The following XPR1 variants were observed in gnomAD, a reference collection of about 807,000 sequenced individuals.
XPR1 encodes the protein xenotropic and polytropic retrovirus receptor 1.
A neutral mutation model predicts 87.5 loss-of-function variants in XPR1; 28 were observed. That is an observed-to-expected ratio of 0.32 (90% CI 0.24 to 0.44). XPR1 has a LOEUF of 0.44. Ranked by LOEUF, XPR1 falls within the 20% of genes least tolerant of loss-of-function variation. The probability of loss-of-function intolerance (pLI) is 1.00; values close to 1 mark genes in which losing one functional copy is unlikely to be tolerated. For synonymous variants in XPR1, 300 were observed against 306.1 expected (o/e 0.98, Z 0.21); for missense variants, 559 against 862.3 (o/e 0.65, Z 4.41).
At chr1:180,634,137 A>G (rs1406347264) in intron 1 of XPR1, among the ~76,000 whole-genome samples, 1 of 152,310 alleles carries the variant, frequency 6.6e-6, no homozygotes, top group East Asian at 1.9e-4. Flanking sequence ...CACATAGTCC[A>G]CTTGGATACT....
chr1:180,824,537 C>T (rs889443653), intron 7 of XPR1, among the ~76,000 whole-genome samples: 3 of 151,984 alleles, frequency 2.0e-5, no homozygotes, highest in African/African-American at 7.3e-5. Flanking sequence ...GCCGAGATCA[C>T]GCCATTGCAC....
At chr1:180,644,360 C>G (rs1054564533) in intron 1 of XPR1, among the ~76,000 whole-genome samples, 1 of 150,750 alleles carries the variant, frequency 6.6e-6, no homozygotes, top group Admixed American at 6.6e-5. Context: ...TTGAGACTTT[C>G]CTTTTCCTAT....
chr1:180,741,514 C>A (rs921604806), intron 2 of XPR1, among the ~76,000 whole-genome samples: 8 of 151,894 alleles, frequency 5.3e-5, no homozygotes, highest in Non-Finnish European at 1.5e-5. Context: ...TAGATAGAGT[C>A]TCACTCTATC....
At chr1:180,794,603 G>A (rs1423737993) in intron 3 of XPR1, among the ~76,000 whole-genome samples, 2 of 152,184 alleles carry the variant, frequency 1.3e-5, no homozygotes, top group Non-Finnish European at 2.9e-5. Context: ...TTTACTTGGA[G>A]GAAGAAAGTG....
chr1:180,848,100 G>A (rs886157516), intron 11 of XPR1, among the ~76,000 whole-genome samples: 2 of 152,076 alleles, frequency 1.3e-5, no homozygotes, highest in African/African-American at 4.8e-5. Flanking sequence ...AGGGTACATA[G>A]TGATGTTCTG....
chr1:180,834,241 C>T (rs1651191136), intron 9 of XPR1, among the ~76,000 whole-genome samples: 1 of 151,974 alleles, frequency 6.6e-6, no homozygotes, highest in Non-Finnish European at 1.5e-5. Flanking sequence ...ACTACCATGC[C>T]CGGCTAATTT....
intron 2 of XPR1, among the ~76,000 whole-genome samples, chr1:180,740,065 A>G (rs943296474): frequency 2.0e-5 from 3 of 152,082 alleles, no homozygotes; most frequent in Admixed American, 6.6e-5. Context: ...AAACTCACCT[A>G]CTATTTCTAG....
intron 2 of XPR1, among the ~76,000 whole-genome samples, chr1:180,756,910 T>A (rs906181091): frequency 6.6e-6 from 1 of 152,206 alleles, no homozygotes; most frequent in East Asian, 1.9e-4. Context: ...TTGAAAAGAC[T>A]AGTCTTTCTC....
intron 2 of XPR1, among the ~76,000 whole-genome samples, chr1:180,750,687 A>AT (rs1371240139): frequency 2.0e-5 from 3 of 151,914 alleles, no homozygotes; most frequent in Non-Finnish European, 2.9e-5. Context: ...TATAAATTTG[A>AT]TTTTTTTATT....
chr1:180,727,414 C>T (rs552279124), intron 2 of XPR1, among the ~76,000 whole-genome samples: 7 of 152,072 alleles, frequency 4.6e-5, no homozygotes, highest in East Asian at 3.9e-4. Context: ...GAGGCCGAGG[C>T]GGGCAGATCA....
intron 2 of XPR1, among the ~76,000 whole-genome samples, chr1:180,727,727 C>G (rs1658404552): frequency 6.6e-6 from 1 of 152,192 alleles, no homozygotes; most frequent in Admixed American, 6.5e-5. Context: ...AGAGCATACT[C>G]AAGGGCTGCT....
At chr1:180,683,054 G>A (rs1407729848) in intron 2 of XPR1, among the ~76,000 whole-genome samples, 1 of 151,990 alleles carries the variant, frequency 6.6e-6, no homozygotes, top group African/African-American at 2.4e-5. Flanking sequence ...CATGTGCCAT[G>A]TTGGTGTGCT....
At chr1:180,820,674 TACTAGC>T (rs1650595860) in intron 7 of XPR1, among the ~76,000 whole-genome samples, 1 of 152,216 alleles carries the variant, frequency 6.6e-6, no homozygotes, top group South Asian at 2.1e-4. Flanking sequence ...TTTCCATTCC[TACTAGC>T]AGTTTATGAG....
chr1:180,745,694 C>T (rs1659068822), intron 2 of XPR1, among the ~76,000 whole-genome samples: 1 of 152,174 alleles, frequency 6.6e-6, no homozygotes, highest in Non-Finnish European at 1.5e-5. Context: ...ATGCCTATAT[C>T]TTGGTTTTGG....
At chr1:180,755,009 G>T (rs61811160) in intron 2 of XPR1, among the ~76,000 whole-genome samples, 1 of 152,132 alleles carries the variant, frequency 6.6e-6, no homozygotes, top group Non-Finnish European at 1.5e-5. Flanking sequence ...TATGTTCAAA[G>T]TAATGGGAAC....
chr1:180,680,903 G>C (rs1025236138), intron 1 of XPR1, among the ~76,000 whole-genome samples: 1 of 152,212 alleles, frequency 6.6e-6, no homozygotes, highest in East Asian at 1.9e-4. Flanking sequence ...TCTATCATTT[G>C]TGACAACATG....
At position 180,704,245 on chromosome 1, in the gene XPR1, GATATATATATATATATAT is replaced by G. The variant is rs35751561; in HGVS notation, c.121+21849_121+21866del. Among the ~76,000 whole-genome samples, 195 of 66,032 alleles carry G rather than the reference GATATATATATATATATAT, an allele frequency of 3.0e-3. 2 individuals carry two copies. Among genetic ancestry groups the G allele is most frequent in the Middle Eastern group, 0.011 (1 of 90 alleles). 43.3% of individuals were successfully genotyped at this position (66,032 alleles called of 152,430 possible). A position where few individuals can be genotyped will look rare whatever the true frequency, so the allele number is the denominator to read the frequency against. Reference sequence around the variant, plus strand: ...TTTCTCAAGAACACTATAGGTGCTGGATATATATATATATATATATATATATATATATTATCAGATTAT... The same window carrying G: ...TTTCTCAAGAACACTATAGGTGCTGGATATATATATATATTATCAGATTAT... On this transcript the variant is annotated intron_variant, in intron 2 of 14. Transcript: ENST00000367590.
chr1:180,699,021 A>T (rs1657261801), intron 2 of XPR1, among the ~76,000 whole-genome samples: 1 of 152,138 alleles, frequency 6.6e-6, no homozygotes, highest in African/African-American at 2.4e-5. Context: ...TTTGGGAATT[A>T]TTGAGCTTCT....
Position 180,679,010 on chromosome 1 carries a change from A to G in XPR1, c.70-3350A>G, listed in dbSNP as rs575622008. ...GGAGATCGAGACCATCCTGGCTAACATGGTGAAACCCCGTCTCTACTAAAA... is the reference window on the plus strand; with the variant it reads ...GGAGATCGAGACCATCCTGGCTAACGTGGTGAAACCCCGTCTCTACTAAAA... On this transcript the variant is annotated intron_variant, in intron 1 of 14. Coordinates refer to ENST00000367590, the MANE Select transcript of XPR1 (RefSeq NM_004736.4). 4.6e-5 allele frequency among the ~76,000 whole-genome samples: 7 copies of G among 152,224 alleles called. No homozygotes were observed. In the South Asian group the frequency reaches 6.2e-4, roughly 14 times the overall value.
Sources: gnomAD v4.1 joint callset for allele counts (sites outside exome capture counted in the v4.1 genomes callset) on GRCh38, gnomAD v4.1.1 for gene constraint, MANE v1.5 for transcripts, NCBI Gene and HGNC (gene_info 2026-07-23, HGNC 2026-07-21) for gene names.